Variants in MOB4 observed in about 807,000 individuals in gnomAD.
The protein encoded by MOB4 is MOB family member 4, phocein.
Under a neutral mutation model 32.2 loss-of-function variants are expected in MOB4, and 4 were observed. The ratio of observed to expected loss-of-function variants is 0.12; its 90% confidence interval spans 0.06 to 0.28. MOB4 has a LOEUF of 0.28. Among genes scored for constraint, MOB4 ranks in the 10% least tolerant of loss-of-function variants. The probability of loss-of-function intolerance (pLI) is 1.00; values close to 1 mark genes in which losing one functional copy is unlikely to be tolerated. For synonymous variants in MOB4, 88 were observed against 88.1 expected (o/e 1.00, Z 0.01); for missense variants, 158 against 271.2 (o/e 0.58, Z 2.93).
At chr2:197,547,789 T>A (rs1368596201) in intron 5 of MOB4, among the ~76,000 whole-genome samples, 1 of 152,212 alleles carries the variant, frequency 6.6e-6, no homozygotes, top group African/African-American at 2.4e-5. Context: ...CTTTGCAGTT[T>A]TATTTTTCCT....
intron 2 of MOB4, among the ~76,000 whole-genome samples, chr2:197,529,874 G>A (rs1213286692): frequency 1.3e-5 from 2 of 151,714 alleles, no homozygotes; most frequent in African/African-American, 2.4e-5. Flanking sequence ...GAATGGTCTC[G>A]ATCTCTTGAC....
intron 1 of MOB4, among the ~76,000 whole-genome samples, chr2:197,517,226 G>C (rs887633992): frequency 2.0e-5 from 3 of 152,184 alleles, no homozygotes; most frequent in Non-Finnish European, 4.4e-5. Flanking sequence ...AGGATACATA[G>C]TCTCCTGATT....
rs1286473896 is a variant in MOB4, at chr2:197,553,309, GA to G, written c.*2664del. 2 of 152,334 alleles carry G rather than the reference GA, an allele frequency of 1.3e-5. No homozygotes were observed. The highest frequency in any genetic ancestry group is 1.5e-5 in the Non-Finnish European group (1 of 68,204). 9.4% of individuals were successfully genotyped at this position (152,334 alleles called of 1,614,324 possible). The stretch of plus-strand genomic sequence containing the variant: ...ATTAGCCGGGCGTGGTGCTACTCGT[GA>G]GGCTGAGGCAGGAGAATCGCTTGAA... On this transcript the variant is annotated 3_prime_UTR_variant, in exon 8 of 8. Transcript: ENST00000323303.
intron 3 of MOB4, among the ~76,000 whole-genome samples, chr2:197,536,134 A>G (rs1448105986): frequency 2.0e-5 from 3 of 152,104 alleles, no homozygotes; most frequent in African/African-American, 7.2e-5. Flanking sequence ...CCTGGATTCA[A>G]GCAATTTTCC....
intron 5 of MOB4, 50 bp downstream of exon 5, chr2:197,540,487 C>T: frequency 6.7e-7 from 1 of 1,488,428 alleles, no homozygotes; most frequent in East Asian, 2.4e-5. Context: ...TAGCCTAAAT[C>T]TCTCTCAAGA....
At chr2:197,543,487 T>G (rs755134188) in intron 5 of MOB4, among the ~76,000 whole-genome samples, 4 of 149,610 alleles carry the variant, frequency 2.7e-5, no homozygotes, top group Non-Finnish European at 4.5e-5. Context: ...AAACAAAATG[T>G]AGCATGGACA....
intron 1 of MOB4, among the ~76,000 whole-genome samples, chr2:197,517,100 T>C (rs906872609): frequency 2.6e-5 from 4 of 152,208 alleles, no homozygotes; most frequent in African/African-American, 9.6e-5. Flanking sequence ...TAATTTCTTA[T>C]ACAGAATTAT....
Position 197,552,540 on chromosome 2 carries a change from TG to T in MOB4, c.*1895del, listed in dbSNP as rs1324061424. The T allele has an allele frequency of 6.6e-6, 1 of 152,338 alleles. No individual in the cohort carries two copies. Among genetic ancestry groups the T allele is most frequent in the Non-Finnish European group, 1.5e-5 (1 of 68,038 alleles). 9.4% of individuals were successfully genotyped at this position (152,338 alleles called of 1,614,324 possible). Reference sequence around the variant, plus strand: ...CTTAGTGTTAACGGGGACTTAAATATGATTTTTTTTTCTTACTCATTTCACC... The same window carrying T: ...CTTAGTGTTAACGGGGACTTAAATATATTTTTTTTTCTTACTCATTTCACC... On this transcript the variant is annotated 3_prime_UTR_variant, in exon 8 of 8. Transcript: ENST00000323303.
intron 6 of MOB4, among the ~76,000 whole-genome samples, chr2:197,549,787 A>G (rs576380985): frequency 5.3e-5 from 8 of 150,680 alleles, no homozygotes; most frequent in Non-Finnish European, 8.9e-5. Context: ...CTGACCTCAG[A>G]TGATCCACCT....
At chr2:197,518,263 T>A (rs1464142774) in intron 1 of MOB4, among the ~76,000 whole-genome samples, 1 of 152,100 alleles carries the variant, frequency 6.6e-6, no homozygotes, top group Non-Finnish European at 1.5e-5. Flanking sequence ...CTTTCTTTCT[T>A]TCTTTTTTTT....
chr2:197,536,087 C>T (rs1387924629), intron 3 of MOB4, among the ~76,000 whole-genome samples: 1 of 151,726 alleles, frequency 6.6e-6, no homozygotes, highest in Admixed American at 6.6e-5. Flanking sequence ...TTTGTAGAGA[C>T]AGGATCTGAT....
chr2:197,549,320 A>G (rs1238863248), intron 6 of MOB4, among the ~76,000 whole-genome samples: 1 of 152,080 alleles, frequency 6.6e-6, no homozygotes, highest in Non-Finnish European at 1.5e-5. Context: ...TACATGTAAT[A>G]TATTATCGGT....
intron 1 of MOB4, among the ~76,000 whole-genome samples, chr2:197,518,010 G>A (rs1023698837): frequency 6.6e-6 from 1 of 151,626 alleles, no homozygotes; most frequent in Non-Finnish European, 1.5e-5. Context: ...GCGTGGTGGC[G>A]GGCGCCTGTA....
chr2:197,542,990 T>C (rs1471600938), intron 5 of MOB4, among the ~76,000 whole-genome samples: 5 of 149,330 alleles, frequency 3.3e-5, no homozygotes, highest in Non-Finnish European at 7.5e-5. Flanking sequence ...TGAAATATGC[T>C]GTAAACACAA....
At chr2:197,525,666 G>A (rs1300291635) in intron 2 of MOB4, among the ~76,000 whole-genome samples, 2 of 146,912 alleles carry the variant, frequency 1.4e-5, no homozygotes, top group Non-Finnish European at 3.0e-5. Context: ...GGTGAGCTGT[G>A]ATTGCACCAC....
At chr2:197,517,831 GA>G (rs1260160764) in intron 1 of MOB4, among the ~76,000 whole-genome samples, 3 of 151,852 alleles carry the variant, frequency 2.0e-5, no homozygotes, top group African/African-American at 4.8e-5. Context: ...TGGGTCAAAA[GA>G]AAAAAAATTA....
chr2:197,531,605 G>A (rs1055123839), intron 2 of MOB4, among the ~76,000 whole-genome samples: 9 of 150,278 alleles, frequency 6.0e-5, no homozygotes, highest in Admixed American at 2.6e-4. Context: ...TTGCTCTGTC[G>A]CCCAGGCTGG....
At chr2:197,541,918 C>CA (rs367837074) in intron 5 of MOB4, among the ~76,000 whole-genome samples, 22,064 of 140,402 alleles carry the variant, frequency 0.16, 1,866 homozygotes, top group Middle Eastern at 0.32. Flanking sequence ...GACTCCGTCT[C>CA]AAAAAAAATA....
At chr2:197,538,366 A>C (rs1056106726) in intron 3 of MOB4, among the ~76,000 whole-genome samples, 1 of 146,372 alleles carries the variant, frequency 6.8e-6, no homozygotes, top group African/African-American at 2.5e-5. Flanking sequence ...TATTGTGTAC[A>C]TTTTATTAGT....
Sources: allele counts gnomAD v4.1 joint callset (sites outside exome capture counted in the v4.1 genomes callset), GRCh38; gene constraint gnomAD v4.1.1; transcripts MANE v1.5; gene names NCBI Gene and HGNC (gene_info 2026-07-23, HGNC 2026-07-21).